The following NRXN1 variants were observed in gnomAD, a reference collection of about 807,000 sequenced individuals.
The protein encoded by NRXN1 is neurexin-1.
A neutral mutation model predicts 150.9 loss-of-function variants in NRXN1; 39 were observed. The observed-to-expected ratio is 0.26, with a 90% CI of 0.20 to 0.34. The LOEUF is 0.34. NRXN1 is among the 10% of genes least tolerant of loss of function. NRXN1 has a pLI of 1.00. For synonymous variants in NRXN1, 924 were observed against 757.0 expected (o/e 1.22, Z -3.62); for missense variants, 1,815 against 1,949.9 (o/e 0.93, Z 1.30).
chr2:50,664,231 T>C (rs1021565435), intron 5 of NRXN1, among the ~76,000 whole-genome samples: 3 of 151,950 alleles, frequency 2.0e-5, no homozygotes, highest in African/African-American at 7.2e-5. Flanking sequence ...ACTTTCCTTC[T>C]CCCTCTTACA....
rs575518816 is a variant in NRXN1 at position 50,719,704 on chromosome 2, T to C, written c.833-96089A>G. 6.6e-5 allele frequency among the ~76,000 whole-genome samples: 10 copies of C among 151,942 alleles called. No homozygotes were observed. The East Asian group carries it at 1.7e-3, about 26-fold the overall frequency. ...AAAACAAAAACAACAACAACAACAATAACAACAATCATTTTTCATTGGATT... is the reference window on the plus strand; with the variant it reads ...AAAACAAAAACAACAACAACAACAACAACAACAATCATTTTTCATTGGATT... On this transcript the variant is annotated intron_variant, in intron 5 of 22. Transcript: ENST00000401669.
chr2:50,144,359 T>C (rs796369414), intron 18 of NRXN1, among the ~76,000 whole-genome samples: 1 of 151,796 alleles, frequency 6.6e-6, no homozygotes, highest in Non-Finnish European at 1.5e-5. Context: ...CTTTATTTCA[T>C]CCAGGTTGAT....
chr2:50,084,473 G>T (rs1468526008), intron 19 of NRXN1, among the ~76,000 whole-genome samples: 1 of 152,160 alleles, frequency 6.6e-6, no homozygotes, highest in Non-Finnish European at 1.5e-5. Context: ...ATCACTGCCG[G>T]GGCCCACAGG....
At chr2:50,550,642 C>T (rs556149605) in intron 9 of NRXN1, among the ~76,000 whole-genome samples, 3 of 151,246 alleles carry the variant, frequency 2.0e-5, no homozygotes, top group South Asian at 2.1e-4. Context: ...TTTTTGCATT[C>T]CCATCAATGA....
intron 2 of NRXN1, among the ~76,000 whole-genome samples, chr2:50,938,685 C>T (rs1378538041): frequency 6.6e-6 from 1 of 152,110 alleles, no homozygotes. Flanking sequence ...GAGGATGTCT[C>T]AAGAAACTTA....
At chr2:50,764,573 T>C (rs566050734) in intron 5 of NRXN1, among the ~76,000 whole-genome samples, 4 of 152,120 alleles carry the variant, frequency 2.6e-5, no homozygotes, top group African/African-American at 9.6e-5. Context: ...CATGTGGTTA[T>C]ATGCTTATCG....
At chr2:50,313,253 G>C (rs947257525) in intron 17 of NRXN1, among the ~76,000 whole-genome samples, 1 of 151,924 alleles carries the variant, frequency 6.6e-6, no homozygotes, top group Non-Finnish European at 1.5e-5. Context: ...CTTATATTCT[G>C]CTCACTCTTA....
intron 8 of NRXN1, among the ~76,000 whole-genome samples, chr2:50,581,085 T>C (rs1672194962): frequency 6.6e-6 from 1 of 152,202 alleles, no homozygotes; most frequent in Non-Finnish European, 1.5e-5. Context: ...CATTCAGCAT[T>C]CTCATTTACA....
intron 5 of NRXN1, among the ~76,000 whole-genome samples, chr2:50,636,128 A>C (rs185098196): frequency 1.6e-3 from 245 of 152,332 alleles, no homozygotes; most frequent in South Asian, 3.5e-3. Context: ...GGCTCATTAC[A>C]TAAGAACGAG....
chr2:50,944,344 C>A (rs1689975883), intron 2 of NRXN1, among the ~76,000 whole-genome samples: 1 of 152,148 alleles, frequency 6.6e-6, no homozygotes, highest in Non-Finnish European at 1.5e-5. Context: ...AAACTACTCT[C>A]TAATGTGACA....
chr2:50,639,634 C>G (rs549826753), intron 5 of NRXN1, among the ~76,000 whole-genome samples: 1 of 152,016 alleles, frequency 6.6e-6, no homozygotes, highest in Non-Finnish European at 1.5e-5. Context: ...TTCATCATGA[C>G]ATTCCATCCT....
At chr2:50,166,988 G>A (rs1219864506) in intron 18 of NRXN1, among the ~76,000 whole-genome samples, 1 of 152,046 alleles carries the variant, frequency 6.6e-6, no homozygotes, top group Non-Finnish European at 1.5e-5. Context: ...AAACTTCCAT[G>A]GTTTACTCAT....
chr2:50,580,875 T>C (rs1195298061), intron 8 of NRXN1, among the ~76,000 whole-genome samples: 1 of 152,080 alleles, frequency 6.6e-6, no homozygotes, highest in Non-Finnish European at 1.5e-5. Context: ...ATGAAAATAA[T>C]GGAGAGAAAT....
At chr2:50,412,544 G>A (rs978867642) in intron 17 of NRXN1, among the ~76,000 whole-genome samples, 5 of 141,116 alleles carry the variant, frequency 3.5e-5, no homozygotes, top group Non-Finnish European at 3.2e-5. Context: ...ATACAATAAT[G>A]TTTTGCTTTT....
chr2:50,844,136 AAG>A (rs1357464107), intron 5 of NRXN1, among the ~76,000 whole-genome samples: 2 of 152,154 alleles, frequency 1.3e-5, no homozygotes, highest in African/African-American at 4.8e-5. Flanking sequence ...CTAGTCTTGC[AAG>A]ATCGGGTGTC....
intron 21 of NRXN1, among the ~76,000 whole-genome samples, chr2:50,015,519 A>G (rs1285222124): frequency 2.4e-4 from 34 of 139,700 alleles, no homozygotes; most frequent in Non-Finnish European, 1.5e-4. Flanking sequence ...TTTCTGCCAA[A>G]AAAAAAAAAA....
Position 50,829,999 on chromosome 2 carries a change from G to GAAAAAAAAAAAAAAAAAA in NRXN1, c.832+91852_832+91869dup, listed in dbSNP as rs572758147. 3.8e-4 allele frequency among the ~76,000 whole-genome samples: 22 copies of GAAAAAAAAAAAAAAAAAA among 58,178 alleles called. 1 individual carries two copies. The highest frequency in any genetic ancestry group is 1.3e-3 in the Admixed American group (5 of 3,990). The allele number at this position is 58,178 out of a possible 152,430, so 38.2% of individuals were successfully genotyped here. On this transcript the variant is annotated intron_variant, in intron 5 of 22. Coordinates refer to ENST00000401669, the MANE Select transcript of NRXN1 (RefSeq NM_001330078.2). ...GGAACCCAAAGAATACTGCCTGCTG[G>GAAAAAAAAAAAAAAAAAA]AAAAAAAAAAAAAAAAAAAAAAAAA...
chr2:50,048,433 GGTTA>G (rs1323874728), intron 21 of NRXN1, among the ~76,000 whole-genome samples: 1 of 151,926 alleles, frequency 6.6e-6, no homozygotes, highest in East Asian at 1.9e-4. Flanking sequence ...TTACAGCTAA[GGTTA>G]ATTAATATTT....
chr2:50,437,872 C>A (rs1199508511), intron 17 of NRXN1, among the ~76,000 whole-genome samples: 1 of 152,146 alleles, frequency 6.6e-6, no homozygotes, highest in East Asian at 1.9e-4. Context: ...TATTAAAATT[C>A]ATTTGTGAAT....
Sources: gnomAD v4.1 joint callset for allele counts (sites outside exome capture counted in the v4.1 genomes callset) on GRCh38, gnomAD v4.1.1 for gene constraint, MANE v1.5 for transcripts, NCBI Gene and HGNC (gene_info 2026-07-23, HGNC 2026-07-21) for gene names.